NHS: variants seen among roughly 807,000 people sequenced by gnomAD.
NHS encodes NHS actin remodeling regulator.
Under a neutral mutation model 72.5 loss-of-function variants are expected in NHS, and 5 were observed. The ratio of observed to expected loss-of-function variants is 0.07; its 90% CI spans 0.04 to 0.14. NHS has a LOEUF of 0.14. NHS is among the 10% of genes least tolerant of loss of function. The pLI is 1.00. For synonymous variants in NHS, 464 were observed against 547.7 expected, an observed-to-expected ratio of 0.85 and a Z score of 2.13; for missense variants, 1,072 against 1,355.7, an observed-to-expected ratio of 0.79 and a Z score of 3.29.
At chrX:17,661,555 C>T (rs992600019) in intron 1 of NHS, among the ~76,000 whole-genome samples, 3 of 111,634 alleles carry the variant, frequency 2.7e-5, no homozygotes, top group African/African-American at 9.8e-5. Context: ...AACAGGAGTC[C>T]CTGCCTGCCT....
At chrX:17,682,576 A>C (rs1367296962) in intron 1 of NHS, among the ~76,000 whole-genome samples, 1 of 111,180 alleles carries the variant, frequency 9.0e-6, no homozygotes, top group Non-Finnish European at 1.9e-5. Flanking sequence ...AAGGGGTACA[A>C]ATTCCATTTC....
chrX:17,440,258 T>TAAAAAA (rs1036618487), intron 1 of NHS, among the ~76,000 whole-genome samples: 28 of 37,286 alleles, frequency 7.5e-4, no homozygotes, highest in South Asian at 1.5e-3. Context: ...GACTCAGTCT[T>TAAAAAA]AAAAAAAAAA....
intron 1 of NHS, among the ~76,000 whole-genome samples, chrX:17,411,601 A>AT (rs1280085537): frequency 7.1e-5 from 8 of 111,985 alleles, no homozygotes; most frequent in Middle Eastern, 4.6e-3. Context: ...TTACATTTAG[A>AT]TTTTTTTTAA....
Position 17,726,531 on chromosome X carries a change from C to G in NHS, c.2425C>G (p.Pro809Ala). The part of the protein sequence containing the change: ...SYVCHYAALG[P>A]ENGQGVGASP... ...TGTCTGTCACTATGCAGCCCTGGGC[C>G]CAGAGAATGGCCAGGGTGTAGGGGC... is the stretch of plus-strand genomic sequence containing the variant. Residue 809 changes from proline to alanine, a missense_variant, in exon 7 of 9, where the codon CCA (proline) becomes GCA (alanine). By Grantham distance (27) the Pro-to-Ala change is conservative. Coordinates refer to ENST00000676302, the MANE Select transcript of NHS (RefSeq NM_001291867.2). 1 of 1,211,704 alleles carries G rather than the reference C, an allele frequency of 8.3e-7. No individual in the cohort carries two copies. Among genetic ancestry groups the G allele is most frequent in the Non-Finnish European group, 1.1e-6 (1 of 895,400 alleles).
chrX:17,433,498 A>C (rs1225651428), intron 1 of NHS, among the ~76,000 whole-genome samples: 1 of 110,314 alleles, frequency 9.1e-6, no homozygotes. Flanking sequence ...GGCTGGTTAG[A>C]GAGAATGAGA....
At chrX:17,425,764 G>C (rs2064653985) in intron 1 of NHS, 1 of 110,852 alleles carries the variant, frequency 9.0e-6, no homozygotes, top group African/African-American at 3.3e-5. Flanking sequence ...GGAATGCTTG[G>C]TTGCCAAAAG....
rs1300028265 is a variant in NHS at position 17,423,663 on chromosome X, GT to G, written c.565+47342del. 9.8e-5 allele frequency among the ~76,000 whole-genome samples: 11 copies of G among 111,950 alleles called. No homozygotes were observed. In the East Asian group the frequency reaches 3.1e-3, roughly 32 times the overall value. On this transcript the variant is annotated intron_variant, in intron 1 of 8. Coordinates refer to ENST00000676302, the MANE Select transcript of NHS (RefSeq NM_001291867.2). ...CTATCTGTCACTGGGTTTTATGCCT[GT>G]GTTCAAAATATTCCATTTCTCCATC...
intron 1 of NHS, among the ~76,000 whole-genome samples, chrX:17,615,213 T>C (rs927797192): frequency 1.3e-4 from 12 of 94,835 alleles, no homozygotes; most frequent in East Asian, 1.2e-3. Context: ...CGTATATATA[T>C]ACGTATATAT....
At chrX:17,430,324 CTTT>C in intron 1 of NHS, among the ~76,000 whole-genome samples, 1 of 77,982 alleles carries the variant, frequency 1.3e-5, no homozygotes, top group Non-Finnish European at 2.4e-5. Flanking sequence ...TCCTTTCTTT[CTTT>C]CTTTTTCTTC....
At chrX:17,696,502 G>C (rs1490065011) in intron 3 of NHS, among the ~76,000 whole-genome samples, 1 of 112,234 alleles carries the variant, frequency 8.9e-6, no homozygotes, top group Admixed American at 9.4e-5. Context: ...AGCTGTAACA[G>C]GTAGCCTGTT....
At chrX:17,539,195 G>A (rs890535620) in intron 1 of NHS, among the ~76,000 whole-genome samples, 1 of 111,398 alleles carries the variant, frequency 9.0e-6, no homozygotes, top group Non-Finnish European at 1.9e-5. Flanking sequence ...TCCCCTGAAA[G>A]CATGGCTCTG....
intron 3 of NHS, among the ~76,000 whole-genome samples, chrX:17,718,572 GA>G (rs2066380687): frequency 1.0e-5 from 1 of 96,768 alleles, no homozygotes; most frequent in South Asian, 5.8e-4. Flanking sequence ...AGGAAGGAGG[GA>G]AAGAAGAAAC....
intron 1 of NHS, among the ~76,000 whole-genome samples, chrX:17,536,569 G>C (rs1031661403): frequency 5.3e-5 from 6 of 112,410 alleles, no homozygotes; most frequent in African/African-American, 1.9e-4. Flanking sequence ...AGTCAGATTT[G>C]TGATTTATTG....
In NHS at chrX:17,726,237, G is replaced by C. The variant is rs1402296258; in HGVS notation, c.2131G>C (p.Asp711His). The C allele has an allele frequency of 2.5e-6, 3 of 1,212,010 alleles. No homozygotes were observed. The Admixed American group carries it at 6.5e-5, about 26-fold the overall frequency. The change falls in exon 7 of 9, where the codon GAT becomes CAT. Residue 711 changes from aspartate to histidine, a missense_variant. Physicochemically the swap from Asp to His is moderately conservative, Grantham distance 81. Coordinates refer to ENST00000676302, the MANE Select transcript of NHS (RefSeq NM_001291867.2). ...SFTSTVADLLDDPNNSNTSDS... is the reference protein window; with the variant it reads ...SFTSTVADLLHDPNNSNTSDS... ...TACCTCCACTGTTGCAGACCTGCTG[G>C]ATGATCCCAACAACAGCAACACAAG...
intron 1 of NHS, among the ~76,000 whole-genome samples, chrX:17,491,191 C>T (rs1242821163): frequency 9.0e-6 from 1 of 111,636 alleles, no homozygotes; most frequent in Non-Finnish European, 1.9e-5. Context: ...AGAGGGCATC[C>T]TTGTCTTGGG....
At chrX:17,610,631 A>T (rs1817778865) in intron 1 of NHS, among the ~76,000 whole-genome samples, 2 of 112,053 alleles carry the variant, frequency 1.8e-5, no homozygotes, top group African/African-American at 6.5e-5. Flanking sequence ...CTTCTTGAAG[A>T]TCCTGTTTCA....
rs2065713176 is a variant in NHS at position 17,611,887 on chromosome X, G to T, written c.566-75855G>T. ...AGATGTCAGTGTTGGTTGCTGTTCA[G>T]ATCTTGTGCATTTGAAGAGAACCAG... On this transcript the variant is annotated intron_variant, in intron 1 of 8. Transcript: ENST00000676302. Among the ~76,000 whole-genome samples the T allele has an allele frequency of 2.7e-5, 3 of 111,867 alleles. No homozygotes were observed. In the South Asian group the frequency reaches 1.1e-3, roughly 42 times the overall value.
At chrX:17,417,785 G>A (rs768707443) in intron 1 of NHS, among the ~76,000 whole-genome samples, 1 of 112,311 alleles carries the variant, frequency 8.9e-6, no homozygotes, top group Non-Finnish European at 1.9e-5. Flanking sequence ...TTACAGTGTG[G>A]TCAAGATATC....
intron 3 of NHS, among the ~76,000 whole-genome samples, chrX:17,713,094 T>C (rs2066344702): frequency 9.0e-6 from 1 of 111,008 alleles, no homozygotes; most frequent in African/African-American, 3.3e-5. Flanking sequence ...TTGGGAGATT[T>C]TGAGACAGTC....
Sources: gnomAD v4.1 joint callset for allele counts (sites outside exome capture counted in the v4.1 genomes callset) on GRCh38, gnomAD v4.1.1 for gene constraint, MANE v1.5 for transcripts, NCBI Gene and HGNC (gene_info 2026-07-23, HGNC 2026-07-21) for gene names.